Variants in CNTN5 observed in about 807,000 individuals in gnomAD.
CNTN5 encodes the protein contactin-5.
A neutral mutation model predicts 129.1 loss-of-function variants in CNTN5; 77 were observed. The ratio of observed to expected loss-of-function variants is 0.60; its 90% CI spans 0.50 to 0.72. CNTN5 has a LOEUF of 0.72. CNTN5 is among the 30% of genes least tolerant of loss of function. The probability of loss-of-function intolerance (pLI) is 0.00; values close to 1 mark genes in which losing one functional copy is unlikely to be tolerated. For synonymous variants in CNTN5, 509 were observed against 465.6 expected (o/e 1.09, Z -1.20); for missense variants, 1,478 against 1,328.8 (o/e 1.11, Z -1.75).
intron 2 of CNTN5, among the ~76,000 whole-genome samples, chr11:99,360,045 A>G (rs180692868): frequency 1.0e-3 from 155 of 151,968 alleles, no homozygotes; most frequent in African/African-American, 3.4e-3. Flanking sequence ...ACATACTCAT[A>G]AAAATTAAAA....
chr11:100,334,796 A>C (rs553166633), intron 21 of CNTN5, among the ~76,000 whole-genome samples: 10 of 152,216 alleles, frequency 6.6e-5, no homozygotes, highest in Admixed American at 3.9e-4. Context: ...AATGGGTGGC[A>C]AGGGATAAAA....
At chr11:99,995,084 C>T (rs1315974080) in intron 8 of CNTN5, among the ~76,000 whole-genome samples, 1 of 152,166 alleles carries the variant, frequency 6.6e-6, no homozygotes, top group Non-Finnish European at 1.5e-5. Flanking sequence ...ATTTATCAGG[C>T]TCTTGATGTG....
intron 1 of CNTN5, among the ~76,000 whole-genome samples, chr11:99,212,385 A>T (rs188402515): frequency 6.6e-6 from 1 of 152,184 alleles, no homozygotes; most frequent in Admixed American, 6.5e-5. Flanking sequence ...GTTGCTTAGG[A>T]TGATTTCTAA....
intron 8 of CNTN5, among the ~76,000 whole-genome samples, chr11:99,987,803 T>G (rs1376162307): frequency 6.6e-6 from 1 of 152,124 alleles, no homozygotes; most frequent in African/African-American, 2.4e-5. Flanking sequence ...CTCCTTGCCT[T>G]TTATTTAATA....
chr11:100,249,958 A>C (rs1490698968), intron 16 of CNTN5, among the ~76,000 whole-genome samples: 12 of 152,148 alleles, frequency 7.9e-5, no homozygotes, highest in African/African-American at 1.4e-4. Context: ...TCTTGTTTTC[A>C]CCTTTTTATG....
chr11:100,320,145 T>C (rs1025416183), intron 21 of CNTN5, among the ~76,000 whole-genome samples: 1 of 152,234 alleles, frequency 6.6e-6, no homozygotes, highest in African/African-American at 2.4e-5. Flanking sequence ...CTGTTTTCAA[T>C]AATGGTGGTA....
intron 13 of CNTN5, among the ~76,000 whole-genome samples, chr11:100,187,939 G>T (rs1485194181): frequency 6.6e-6 from 1 of 152,146 alleles, no homozygotes; most frequent in African/African-American, 2.4e-5. Flanking sequence ...ATTGACAAGT[G>T]TGACCTAATT....
chr11:99,067,194 A>C (rs1057171473), intron 1 of CNTN5, among the ~76,000 whole-genome samples: 2 of 152,148 alleles, frequency 1.3e-5, no homozygotes, highest in Non-Finnish European at 2.9e-5. Flanking sequence ...AATCTCCTAT[A>C]GATTTCTAAT....
chr11:100,115,937 C>T (rs769976140), intron 13 of CNTN5, among the ~76,000 whole-genome samples: 52 of 152,068 alleles, frequency 3.4e-4, no homozygotes, highest in Admixed American at 1.2e-3. Context: ...TCAAGCCATT[C>T]ATATGAAAAA....
At chr11:99,328,429 A>T (rs1431152385) in intron 2 of CNTN5, among the ~76,000 whole-genome samples, 1 of 152,166 alleles carries the variant, frequency 6.6e-6, no homozygotes, top group African/African-American at 2.4e-5. Flanking sequence ...CAAAATCCTG[A>T]TTAATTTTGA....
At chr11:99,746,175 T>A (rs983364785) in intron 3 of CNTN5, among the ~76,000 whole-genome samples, 1 of 152,224 alleles carries the variant, frequency 6.6e-6, no homozygotes, top group African/African-American at 2.4e-5. Context: ...AATATTTTTT[T>A]CCCTACATTT....
rs992353747 is a variant in CNTN5, at chr11:99,574,250, G to A, written c.55+17981G>A. ...GGACACAAACTCATCCTTTTTTACA[G>A]CTGCATAGTATTCCATGGTGTATAT... On this transcript the variant is annotated intron_variant, in intron 3 of 24. Coordinates refer to ENST00000524871, the MANE Select transcript of CNTN5 (RefSeq NM_014361.4). 5.9e-5 allele frequency among the ~76,000 whole-genome samples: 9 copies of A among 152,110 alleles called. 1 individual carries two copies. Among genetic ancestry groups the A allele is most frequent in the Non-Finnish European group, 1.2e-4 (8 of 68,016 alleles).
chr11:99,419,166 G>T (rs1942783793), intron 2 of CNTN5, among the ~76,000 whole-genome samples: 1 of 152,152 alleles, frequency 6.6e-6, no homozygotes, highest in African/African-American at 2.4e-5. Flanking sequence ...AGAGGGCAGA[G>T]ATCTTGCCAC....
At chr11:99,458,132 G>T (rs1296630632) in intron 2 of CNTN5, among the ~76,000 whole-genome samples, 3 of 151,856 alleles carry the variant, frequency 2.0e-5, no homozygotes, top group Non-Finnish European at 4.4e-5. Context: ...TGAGATAAAT[G>T]AGGCTTATTT....
chr11:99,367,712 A>T (rs1033501264), intron 2 of CNTN5, among the ~76,000 whole-genome samples: 3 of 152,170 alleles, frequency 2.0e-5, no homozygotes, highest in Non-Finnish European at 4.4e-5. Context: ...AGTGTACCTG[A>T]TCACAAGAGA....
At chr11:99,832,798 A>G (rs1192787771) in intron 4 of CNTN5, among the ~76,000 whole-genome samples, 2 of 152,198 alleles carry the variant, frequency 1.3e-5, no homozygotes, top group African/African-American at 4.8e-5. Context: ...ATTGGGCATG[A>G]TAGGCTGCTA....
At chr11:99,135,247 G>A (rs184607373) in intron 1 of CNTN5, among the ~76,000 whole-genome samples, 2 of 151,740 alleles carry the variant, frequency 1.3e-5, no homozygotes, top group Admixed American at 1.3e-4. Context: ...ATAAAGTCAA[G>A]CAAACATATA....
intron 2 of CNTN5, among the ~76,000 whole-genome samples, chr11:99,476,126 G>A (rs1252941353): frequency 6.6e-6 from 1 of 151,774 alleles, no homozygotes; most frequent in Non-Finnish European, 1.5e-5. Context: ...TGTCATTCAT[G>A]TCCTGGCACA....
At chr11:99,850,572 G>GTTTATTTATTATTATATTTATTATTATTT (rs1947841899) in intron 6 of CNTN5, among the ~76,000 whole-genome samples, 1 of 151,922 alleles carries the variant, frequency 6.6e-6, no homozygotes, top group Non-Finnish European at 1.5e-5. Flanking sequence ...GTATAATAAT[G>GTTTATTTATTATTATATTTATTATTATTT]TTACTTTATT....
Sources: allele counts gnomAD v4.1 joint callset (sites outside exome capture counted in the v4.1 genomes callset), GRCh38; gene constraint gnomAD v4.1.1; transcripts MANE v1.5; gene names NCBI Gene and HGNC (gene_info 2026-07-23, HGNC 2026-07-21).